The following KDM4B variants were observed in gnomAD, a reference collection of about 807,000 sequenced individuals.
The protein encoded by KDM4B is lysine demethylase 4B.
In KDM4B, 32 loss-of-function variants were observed where a neutral mutation model predicts 125.2. The ratio of observed to expected loss-of-function variants is 0.26; its 90% CI spans 0.19 to 0.34. The LOEUF is 0.34. Ranked by LOEUF, KDM4B falls within the 10% of genes least tolerant of loss-of-function variation. KDM4B has a pLI of 1.00. For synonymous variants in KDM4B, 721 were observed against 677.9 expected, an observed-to-expected ratio of 1.06 and a Z score of -0.99; for missense variants, 1,190 against 1,577.7, an observed-to-expected ratio of 0.75 and a Z score of 4.16.
rs115698832 is a variant in KDM4B at position 5,068,690 on chromosome 19, C to T, written c.627-2320C>T. Among the ~76,000 whole-genome samples the T allele has an allele frequency of 5.7e-3, 868 of 152,318 alleles. 8 individuals are homozygous for T. Among genetic ancestry groups the T allele is most frequent in the African/African-American group, 0.02 (824 of 41,556 alleles). Reference sequence around the variant, plus strand: ...GGTGCAGCTCGCTGTTGGGCACTGGCGGTGGCGGAGCCCAGAAGTCTCCGT... The same window carrying T: ...GGTGCAGCTCGCTGTTGGGCACTGGTGGTGGCGGAGCCCAGAAGTCTCCGT... On this transcript the variant is annotated intron_variant, in intron 6 of 22. Coordinates refer to ENST00000159111, the MANE Select transcript of KDM4B (RefSeq NM_015015.3).
In KDM4B at chr19:5,113,853, C is replaced by T. The variant is rs573573914; in HGVS notation, c.1115+3035C>T. ...GCAGTCCAGCCTTCCCTGCCCTCGG[C>T]GTGGCTGTGGGATGGCCCTCATGTG... On this transcript the variant is annotated intron_variant, in intron 10 of 22. Transcript: ENST00000159111. 4.7e-4 allele frequency: 457 copies of T among 979,154 alleles called. 2 individuals are homozygous for T. The African/African-American group carries it at 6.5e-3, about 14-fold the overall frequency. The allele number at this position is 979,154 out of a possible 1,614,324, so 60.7% of individuals were successfully genotyped here.
chr19:5,017,114 A>G (rs1266113450), intron 2 of KDM4B, among the ~76,000 whole-genome samples: 3 of 152,130 alleles, frequency 2.0e-5, no homozygotes, highest in Non-Finnish European at 2.9e-5. Flanking sequence ...CAGAGGGAGG[A>G]AGGGGCCCAT....
intron 1 of KDM4B, among the ~76,000 whole-genome samples, chr19:4,992,027 T>G (rs901821152): frequency 1.3e-5 from 2 of 152,164 alleles, no homozygotes; most frequent in South Asian, 2.1e-4. Context: ...TCATTCCCGA[T>G]TTTAGCAATT....
intron 9 of KDM4B, among the ~76,000 whole-genome samples, chr19:5,083,449 C>T (rs1347461367): frequency 1.3e-5 from 2 of 152,196 alleles, no homozygotes; most frequent in African/African-American, 4.8e-5. Context: ...GCTAGGAGGC[C>T]GTCTGGGCAT....
intron 10 of KDM4B, among the ~76,000 whole-genome samples, chr19:5,116,982 C>T (rs1011583088): frequency 3.3e-5 from 5 of 152,154 alleles, no homozygotes; most frequent in African/African-American, 1.2e-4. Context: ...CAGGAAGAGG[C>T]GTGCTCTTAG....
chr19:5,007,283 C>T lies in KDM4B; in HGVS notation c.-108-8974C>T, dbSNP rs1257552198. 3.9e-5 allele frequency among the ~76,000 whole-genome samples: 6 copies of T among 152,242 alleles called. No individual in the cohort carries two copies. In the East Asian group the frequency reaches 1.2e-3, roughly 29 times the overall value. On this transcript the variant is annotated intron_variant, in intron 1 of 22. Transcript: ENST00000159111. ...CCACTGGCTCCTCTGTCATTTTCGGCATGGTTTTGGCCTCTCCTCTTCTCC... is the reference window on the plus strand; with the variant it reads ...CCACTGGCTCCTCTGTCATTTTCGGTATGGTTTTGGCCTCTCCTCTTCTCC...
At chr19:5,128,616 G>T (rs921274041) in intron 11 of KDM4B, among the ~76,000 whole-genome samples, 10 of 152,210 alleles carry the variant, frequency 6.6e-5, no homozygotes, top group Non-Finnish European at 1.0e-4. Flanking sequence ...GGCGCTCGGG[G>T]TGAGGCGTGC....
chr19:5,000,672 A>T (rs2035356239), intron 1 of KDM4B, among the ~76,000 whole-genome samples: 1 of 152,356 alleles, frequency 6.6e-6, no homozygotes, highest in South Asian at 2.1e-4. Context: ...TTAAAAGTTT[A>T]CATGGATTAG....
intron 1 of KDM4B, among the ~76,000 whole-genome samples, chr19:4,990,879 G>T (rs2035010097): frequency 1.3e-5 from 2 of 152,146 alleles, no homozygotes; most frequent in South Asian, 4.1e-4. Context: ...CCAGCACTTT[G>T]GGAGTCTGAG....
intron 5 of KDM4B, among the ~76,000 whole-genome samples, chr19:5,043,027 C>T (rs58218130): frequency 0.061 from 9,155 of 149,514 alleles, 368 homozygotes; most frequent in Middle Eastern, 0.1. Context: ...CTTGTGGCGT[C>T]GTTATCGGTA....
chr19:5,045,306 G>A (rs578037665), intron 5 of KDM4B, among the ~76,000 whole-genome samples: 6 of 152,302 alleles, frequency 3.9e-5, no homozygotes, highest in South Asian at 4.2e-4. Flanking sequence ...CTGCCTTCGC[G>A]GCGGGGCCCC....
intron 2 of KDM4B, among the ~76,000 whole-genome samples, chr19:5,027,986 C>T (rs920605802): frequency 1.3e-5 from 2 of 152,076 alleles, no homozygotes; most frequent in Non-Finnish European, 2.9e-5. Flanking sequence ...TATTCATTTA[C>T]TTTTTAGAGA....
intron 1 of KDM4B, among the ~76,000 whole-genome samples, chr19:4,974,555 A>AT (rs1443600572): frequency 1.3e-5 from 2 of 151,444 alleles, no homozygotes; most frequent in African/African-American, 4.9e-5. Context: ...CCTGGCCAAC[A>AT]TAGTGAAATC....
At chr19:5,040,080 G>A (rs2036758713) in intron 4 of KDM4B, 69 bp downstream of exon 4, 4 of 1,483,768 alleles carry the variant, frequency 2.7e-6, no homozygotes, top group Admixed American at 2.1e-5. Flanking sequence ...GGGGCCCTGG[G>A]GGCAGAGAAG....
In KDM4B at chr19:5,144,424, G is replaced by C; in HGVS notation, c.2901+12G>C. 6.4e-7 allele frequency: 1 copy of C among 1,555,346 alleles called. No homozygotes were observed. The highest frequency in any genetic ancestry group is 1.2e-5 in the South Asian group (1 of 84,494). ...CTGAGAGCATCACGGTGAGCTGTGG[G>C]GTGGGGCAGGGGGCGGGGGGAGGCT... On this transcript the variant is annotated intron_variant, in intron 20 of 22. Transcript: ENST00000159111.
At chr19:4,976,404 G>GT (rs1193164325) in intron 1 of KDM4B, among the ~76,000 whole-genome samples, 1 of 152,136 alleles carries the variant, frequency 6.6e-6, no homozygotes, top group Non-Finnish European at 1.5e-5. Flanking sequence ...ACGCTTCGCT[G>GT]TTTGAGACGC....
chr19:5,057,020 A>T (rs1285766839), intron 6 of KDM4B, among the ~76,000 whole-genome samples: 1 of 145,428 alleles, frequency 6.9e-6, no homozygotes, highest in Non-Finnish European at 1.5e-5. Context: ...TAAGTACCAG[A>T]TATATATGCG....
chr19:5,042,740 GGACAGCA>G (rs2036863049), intron 5 of KDM4B, among the ~76,000 whole-genome samples: 1 of 151,502 alleles, frequency 6.6e-6, no homozygotes, highest in Non-Finnish European at 1.5e-5. Context: ...ACTGCCCTGA[GGACAGCA>G]CCGCGGGGAT....
At chr19:4,976,893 A>G (rs759714323) in intron 1 of KDM4B, among the ~76,000 whole-genome samples, 31 of 152,256 alleles carry the variant, frequency 2.0e-4, no homozygotes, top group Non-Finnish European at 3.7e-4. Context: ...TGTCCCAGGA[A>G]CGTTCTGACT....
Sources: gnomAD v4.1 joint callset for allele counts (sites outside exome capture counted in the v4.1 genomes callset) on GRCh38, gnomAD v4.1.1 for gene constraint, MANE v1.5 for transcripts, NCBI Gene and HGNC (gene_info 2026-07-23, HGNC 2026-07-21) for gene names.